Variants in ZNF701 observed in about 807,000 individuals in gnomAD.
ZNF701 encodes zinc finger protein 701.
Under a neutral mutation model 7.1 loss-of-function variants are expected in ZNF701, and 6 were observed. That is an observed-to-expected ratio of 0.84 (90% CI 0.46 to 1.66). The LOEUF is 1.66. ZNF701 is among the 40% of genes most tolerant of loss of function. The pLI, the probability that ZNF701 is intolerant of heterozygous loss-of-function variation, is 0.01. For synonymous variants in ZNF701, 166 were observed against 188.2 expected, an observed-to-expected ratio of 0.88 and a Z score of 0.97; for missense variants, 541 against 559.2, an observed-to-expected ratio of 0.97 and a Z score of 0.33.
At chr19:52,574,338 T>C (rs556134272) in intron 2 of ZNF701, among the ~76,000 whole-genome samples, 176 bp downstream of exon 2, 11 of 151,958 alleles carry the variant, frequency 7.2e-5, no homozygotes, top group Middle Eastern at 3.4e-3. Flanking sequence ...TGTGACTGAG[T>C]GACATGAACT....
chr19:52,578,141 C>G (rs910301140), intron 3 of ZNF701, among the ~76,000 whole-genome samples: 1 of 150,460 alleles, frequency 6.6e-6, no homozygotes, highest in African/African-American at 2.4e-5. Context: ...GTAGTCCCAG[C>G]TACTCGGGAG....
chr19:52,588,379 A>C (rs184028206), downstream of ZNF701: 143 of 155,896 alleles, frequency 9.2e-4, 1 homozygote, highest in Non-Finnish European at 1.4e-3. Flanking sequence ...CCAGCTACTT[A>C]AGAGGCTGAG....
chr19:52,578,539 C>T (rs1400059828), intron 3 of ZNF701, among the ~76,000 whole-genome samples: 2 of 152,074 alleles, frequency 1.3e-5, no homozygotes, highest in East Asian at 1.9e-4. Flanking sequence ...ATCTCTTTGT[C>T]TTATGTCTTT....
the ZNF701 span, among the ~76,000 whole-genome samples, chr19:52,592,768 T>A: frequency 1.7e-5 from 2 of 120,490 alleles, 1 homozygote; most frequent in African/African-American, 6.3e-5. Flanking sequence ...TTTTGTATTT[T>A]TTTTATTTTT....
chr19:52,587,595 G>T (rs995058034), downstream of ZNF701, among the ~76,000 whole-genome samples: 1 of 152,160 alleles, frequency 6.6e-6, no homozygotes, highest in Non-Finnish European at 1.5e-5. Flanking sequence ...TCTGGTCCAT[G>T]TTGCCTGTTC....
intron 2 of ZNF701, among the ~76,000 whole-genome samples, chr19:52,574,970 T>G (rs752479502): frequency 7.2e-5 from 11 of 151,920 alleles, no homozygotes; most frequent in South Asian, 4.2e-4. Flanking sequence ...ATATTTGTGT[T>G]TGTTTGTTTG....
chr19:52,572,398 T>C lies in ZNF701; in HGVS notation c.-71-1679T>C, dbSNP rs1475607797. 2.3e-6 allele frequency: 3 copies of C among 1,287,476 alleles called. No individual in the cohort carries two copies. In the Admixed American group the frequency reaches 7.0e-5, roughly 30 times the overall value. 79.8% of individuals were successfully genotyped at this position (1,287,476 alleles called of 1,614,324 possible). A position where few individuals can be genotyped will look rare whatever the true frequency, so the allele number is the denominator to read the frequency against. Reference sequence around the variant, plus strand: ...CTAGCTGTGTCTTTGTACATCTGCATTTTATAAATGTTACTGTAATTTTCT... The same window carrying C: ...CTAGCTGTGTCTTTGTACATCTGCACTTTATAAATGTTACTGTAATTTTCT... On this transcript the variant is annotated intron_variant, in intron 1 of 3. Coordinates refer to ENST00000391785, the MANE Select transcript of ZNF701 (RefSeq NM_018260.3).
the ZNF701 span, chr19:52,596,776 A>G: frequency 3.8e-6 from 2 of 531,442 alleles, no homozygotes; most frequent in Middle Eastern, 3.2e-4. Flanking sequence ...CTGGAAAGAA[A>G]CCTTACACAT....
chr19:52,577,131 A>T (rs1014867609), intron 3 of ZNF701, among the ~76,000 whole-genome samples: 1 of 152,072 alleles, frequency 6.6e-6, no homozygotes, highest in Non-Finnish European at 1.5e-5. Context: ...AAAGAGTCTC[A>T]CTGTGTTGCC....
the ZNF701 span, chr19:52,593,918 T>C: frequency 2.3e-4 from 31 of 132,568 alleles, 8 homozygotes; most frequent in African/African-American, 5.7e-4. Flanking sequence ...GATGGGGTGG[T>C]GGCCGGGCAG....
chr19:52,574,027 C>G (rs162833), intron 1 of ZNF701, 50 bp from the exon 2 acceptor site: 242,715 of 1,568,816 alleles, frequency 0.15, 22,752 homozygotes, highest in African/African-American at 0.45. Context: ...GTGTTACAGG[C>G]AGGAGGTGTG....
chr19:52,575,347 CAT>C (rs1217822923), intron 2 of ZNF701, among the ~76,000 whole-genome samples: 1 of 150,268 alleles, frequency 6.7e-6, no homozygotes, highest in African/African-American at 2.4e-5. Context: ...CATACACATA[CAT>C]ATATACACAC....
downstream of ZNF701, among the ~76,000 whole-genome samples, chr19:52,591,713 G>A (rs2060037683): frequency 1.3e-5 from 2 of 152,112 alleles, no homozygotes; most frequent in Non-Finnish European, 2.9e-5. Context: ...GTGCCACCAC[G>A]CCCAGCTAAG....
the ZNF701 span, chr19:52,597,996 G>GT: frequency 2.0e-5 from 3 of 152,858 alleles, no homozygotes; most frequent in African/African-American, 7.2e-5. Context: ...CCAGGCTGGA[G>GT]GGCAGTGGCG....
At chr19:52,590,219 G>A (rs185875277), downstream of ZNF701, among the ~76,000 whole-genome samples, 4 of 151,430 alleles carry the variant, frequency 2.6e-5, no homozygotes, top group Non-Finnish European at 4.4e-5. Flanking sequence ...TCCTGCCTCA[G>A]CCTCTAGAGT....
chr19:52,592,340 G>A, the ZNF701 span: 1 of 1,132,216 alleles, frequency 8.8e-7, no homozygotes, highest in African/African-American at 1.6e-5. Flanking sequence ...TCATGTACAT[G>A]TCATTGTTTT....
chr19:52,598,442 G>A, the ZNF701 span, among the ~76,000 whole-genome samples: 1 of 152,148 alleles, frequency 6.6e-6, no homozygotes, highest in East Asian at 1.9e-4. Context: ...GAGGGGCAGG[G>A]ACCTCGGTAA....
At chr19:52,580,592 C>G (rs2059969401) in intron 3 of ZNF701, among the ~76,000 whole-genome samples, 2 of 152,106 alleles carry the variant, frequency 1.3e-5, no homozygotes, top group African/African-American at 4.8e-5. Flanking sequence ...AAGTAGTGAC[C>G]TTAACATGTA....
chr19:52,599,269 G>A, the ZNF701 span, among the ~76,000 whole-genome samples: 1 of 151,942 alleles, frequency 6.6e-6, no homozygotes, highest in Non-Finnish European at 1.5e-5. Flanking sequence ...AAGGACTTGG[G>A]AGCTCTCTTT....
Sources: gnomAD v4.1 joint callset for allele counts (sites outside exome capture counted in the v4.1 genomes callset) on GRCh38, gnomAD v4.1.1 for gene constraint, MANE v1.5 for transcripts, NCBI Gene and HGNC (gene_info 2026-07-23, HGNC 2026-07-21) for gene names.